Variants in AP3S1 observed in about 807,000 individuals in gnomAD.
AP3S1 encodes adaptor related protein complex 3 subunit sigma 1, also known as AP-3 complex subunit sigma-1.
A neutral mutation model predicts 21.3 loss-of-function variants in AP3S1; 12 were observed. The observed-to-expected ratio is 0.56, with a 90% CI of 0.36 to 0.91. The LOEUF is 0.91. Ranked by LOEUF, AP3S1 falls within the 40% of genes least tolerant of loss-of-function variation. The pLI, the probability that AP3S1 is intolerant of heterozygous loss-of-function variation, is 0.01. For missense variants in AP3S1, 116 were observed against 225.0 expected (o/e 0.52, Z 3.10); for synonymous variants, 48 against 78.4 (o/e 0.61, Z 2.05).
At chr5:115,844,068 C>T (rs554581297) in intron 1 of AP3S1, among the ~76,000 whole-genome samples, 2 of 152,246 alleles carry the variant, frequency 1.3e-5, no homozygotes, top group African/African-American at 4.8e-5. Flanking sequence ...TTTTAAGTTT[C>T]TATAAGTTGG....
chr5:115,847,962 A>G (rs1487352603), intron 1 of AP3S1, among the ~76,000 whole-genome samples: 1 of 152,196 alleles, frequency 6.6e-6, no homozygotes, highest in Non-Finnish European at 1.5e-5. Context: ...TATGTGGAGT[A>G]TGCTGGAAAA....
chr5:115,890,147 T>C (rs905935610), intron 3 of AP3S1, among the ~76,000 whole-genome samples: 6 of 152,216 alleles, frequency 3.9e-5, no homozygotes, highest in African/African-American at 1.4e-4. Flanking sequence ...CTACTCCAAG[T>C]ATACAATCAG....
At chr5:115,901,392 C>CTTTTTTTT in intron 4 of AP3S1, among the ~76,000 whole-genome samples, 1 of 111,636 alleles carries the variant, frequency 9.0e-6, no homozygotes, top group Non-Finnish European at 1.9e-5. Context: ...TGCCTATATT[C>CTTTTTTTT]TTTTTTTTTT....
intron 3 of AP3S1, among the ~76,000 whole-genome samples, chr5:115,880,637 G>C (rs1749191434): frequency 1.3e-5 from 2 of 152,158 alleles, no homozygotes; most frequent in Admixed American, 1.3e-4. Context: ...GTCAATTTTA[G>C]AATAAGTGTG....
chr5:115,861,036 A>G (rs1014642996), intron 1 of AP3S1, among the ~76,000 whole-genome samples: 1 of 152,198 alleles, frequency 6.6e-6, no homozygotes, highest in Non-Finnish European at 1.5e-5. Flanking sequence ...GAGCATTTCA[A>G]ATACAAAGCT....
Position 115,855,399 on chromosome 5 carries a change from G to A in AP3S1, c.70-11271G>A, listed in dbSNP as rs964158267. 2.0e-5 allele frequency among the ~76,000 whole-genome samples: 3 copies of A among 151,974 alleles called. No individual in the cohort carries two copies. The East Asian group carries it at 5.8e-4, about 29-fold the overall frequency. On this transcript the variant is annotated intron_variant, in intron 1 of 5. Coordinates refer to ENST00000316788, the MANE Select transcript of AP3S1 (RefSeq NM_001284.4). ...CAGCCACCTAGGCTGGAGTCCGGTG[G>A]TATATCACGGCTCACTGCAGCCTTG...
chr5:115,885,469 G>T (rs1749698281), intron 3 of AP3S1, among the ~76,000 whole-genome samples: 1 of 152,220 alleles, frequency 6.6e-6, no homozygotes, highest in African/African-American at 2.4e-5. Flanking sequence ...TTCAGGGCAG[G>T]AGGAACCAAA....
At chr5:115,891,526 C>T (rs142874495) in intron 3 of AP3S1, among the ~76,000 whole-genome samples, 1,713 of 152,212 alleles carry the variant, frequency 0.011, 13 homozygotes, top group Non-Finnish European at 0.016. Context: ...TTTCTCAGAG[C>T]ACTTTACAGA....
intron 4 of AP3S1, among the ~76,000 whole-genome samples, chr5:115,900,640 AC>A (rs1209416615): frequency 2.0e-5 from 3 of 152,154 alleles, no homozygotes; most frequent in Non-Finnish European, 4.4e-5. Flanking sequence ...AGAGCATCTT[AC>A]GTATTTTCTG....
intron 1 of AP3S1, 89 bp downstream of exon 1, chr5:115,842,195 C>G: frequency 6.8e-7 from 1 of 1,466,184 alleles, no homozygotes; most frequent in Non-Finnish European, 9.1e-7. Context: ...CGACCCCCTC[C>G]GGCGCGCTGC....
At chr5:115,899,684 G>A (rs970832636) in intron 4 of AP3S1, among the ~76,000 whole-genome samples, 1 of 152,150 alleles carries the variant, frequency 6.6e-6, no homozygotes, top group African/African-American at 2.4e-5. Context: ...TTTAAAGAAG[G>A]TGATCACAAT....
chr5:115,879,609 A>G (rs188683761), intron 3 of AP3S1, among the ~76,000 whole-genome samples: 17 of 152,302 alleles, frequency 1.1e-4, no homozygotes, highest in South Asian at 2.1e-4. Context: ...CCAGGATTTT[A>G]TTGAGGATTT....
intron 2 of AP3S1, among the ~76,000 whole-genome samples, chr5:115,867,497 A>C (rs1462116858): frequency 6.6e-6 from 1 of 152,116 alleles, no homozygotes; most frequent in African/African-American, 2.4e-5. Flanking sequence ...GAAACTTAGA[A>C]TTTTCTGTAT....
intron 1 of AP3S1, among the ~76,000 whole-genome samples, chr5:115,859,929 G>C (rs1481165786): frequency 6.6e-6 from 1 of 152,116 alleles, no homozygotes; most frequent in Non-Finnish European, 1.5e-5. Context: ...TTATGTTACT[G>C]TAACAAATTA....
At chr5:115,878,924 G>C (rs957218921) in intron 3 of AP3S1, among the ~76,000 whole-genome samples, 1 of 152,180 alleles carries the variant, frequency 6.6e-6, no homozygotes, top group Non-Finnish European at 1.5e-5. Flanking sequence ...TCCCTTGTAA[G>C]TTGTATTCCT....
At chr5:115,848,775 C>G (rs1762239745) in intron 1 of AP3S1, among the ~76,000 whole-genome samples, 1 of 152,206 alleles carries the variant, frequency 6.6e-6, no homozygotes, top group African/African-American at 2.4e-5. Flanking sequence ...TCACATTAGG[C>G]TAACTAAACA....
At position 115,842,825 on chromosome 5, in the gene AP3S1, G is replaced by T. The variant is rs374049508; in HGVS notation, c.69+719G>T. ...AGCTGGCTGCAAATTATTTACCCTC[G>T]AAGTAACCGGCGACGTTTGTAGTTG... is the stretch of plus-strand genomic sequence containing the variant. On this transcript the variant is annotated intron_variant, in intron 1 of 5. Transcript: ENST00000316788. 5.3e-5 allele frequency among the ~76,000 whole-genome samples: 8 copies of T among 152,298 alleles called. No individual in the cohort carries two copies. In the South Asian group the frequency reaches 1.7e-3, roughly 32 times the overall value.
At chr5:115,901,710 A>G (rs1272660063) in intron 4 of AP3S1, among the ~76,000 whole-genome samples, 1 of 152,058 alleles carries the variant, frequency 6.6e-6, no homozygotes, top group Non-Finnish European at 1.5e-5. Flanking sequence ...GTGAGGCACT[A>G]TGCCTGGCTA....
At chr5:115,876,423 T>A (rs1748716444) in intron 3 of AP3S1, among the ~76,000 whole-genome samples, 1 of 152,174 alleles carries the variant, frequency 6.6e-6, no homozygotes, top group South Asian at 2.1e-4. Flanking sequence ...GTCTTTTTCT[T>A]TGATTTAAGG....
Sources: gnomAD v4.1 joint callset for allele counts (sites outside exome capture counted in the v4.1 genomes callset) on GRCh38, gnomAD v4.1.1 for gene constraint, MANE v1.5 for transcripts, NCBI Gene and HGNC (gene_info 2026-07-23, HGNC 2026-07-21) for gene names.